Variants in PELI2 observed in about 807,000 individuals in gnomAD.
The protein encoded by PELI2 is E3 ubiquitin-protein ligase pellino homolog 2.
In PELI2, 23 loss-of-function variants were observed where a neutral mutation model predicts 42.3. The ratio of observed to expected loss-of-function variants is 0.54; its 90% CI spans 0.39 to 0.77. The LOEUF is 0.77. PELI2 is among the 30% of genes least tolerant of loss of function. The probability of loss-of-function intolerance (pLI) is 0.00; values close to 1 mark genes in which losing one functional copy is unlikely to be tolerated. For synonymous variants in PELI2, 245 were observed against 212.2 expected (o/e 1.15, Z -1.34); for missense variants, 463 against 553.2 (o/e 0.84, Z 1.64).
chr14:56,140,658 G>T (rs1201296516), intron 1 of PELI2, among the ~76,000 whole-genome samples: 1 of 152,214 alleles, frequency 6.6e-6, no homozygotes, highest in South Asian at 2.1e-4. Flanking sequence ...TGGAATAACG[G>T]CAGGGAAGAA....
intron 2 of PELI2, among the ~76,000 whole-genome samples, chr14:56,215,632 A>G (rs1886883451): frequency 2.0e-5 from 3 of 152,234 alleles, no homozygotes; most frequent in African/African-American, 7.2e-5. Flanking sequence ...ATTTAACTCT[A>G]CATTTTGGTA....
chr14:56,136,468 A>G (rs571582347), intron 1 of PELI2, among the ~76,000 whole-genome samples: 2 of 152,366 alleles, frequency 1.3e-5, no homozygotes, highest in Middle Eastern at 3.4e-3. Context: ...CAGGGTTTCA[A>G]CTGAGGAGAA....
intron 2 of PELI2, among the ~76,000 whole-genome samples, chr14:56,196,614 A>C (rs1324579371): frequency 6.6e-6 from 1 of 152,254 alleles, no homozygotes; most frequent in Non-Finnish European, 1.5e-5. Context: ...CCCATTTGAA[A>C]AATGGCCGAT....
intron 2 of PELI2, among the ~76,000 whole-genome samples, chr14:56,233,017 G>A (rs1887643613): frequency 6.6e-6 from 1 of 151,994 alleles, no homozygotes; most frequent in African/African-American, 2.4e-5. Flanking sequence ...GCTTCAAAGA[G>A]AATAAAATAC....
chr14:56,269,666 C>T (rs749567111), intron 2 of PELI2, among the ~76,000 whole-genome samples: 9 of 152,148 alleles, frequency 5.9e-5, no homozygotes, highest in Non-Finnish European at 1.0e-4. Context: ...AGAGTACTTA[C>T]GTAACTTGCC....
intron 2 of PELI2, among the ~76,000 whole-genome samples, chr14:56,215,802 G>A (rs1390787350): frequency 6.6e-6 from 1 of 152,184 alleles, no homozygotes; most frequent in Non-Finnish European, 1.5e-5. Flanking sequence ...GTCACCAGCG[G>A]TGTGGAATTT....
At chr14:56,129,778 G>A (rs1883412321) in intron 1 of PELI2, among the ~76,000 whole-genome samples, 2 of 152,220 alleles carry the variant, frequency 1.3e-5, no homozygotes, top group Non-Finnish European at 2.9e-5. Context: ...GGCAGCAATA[G>A]TGTGGAGCAG....
At chr14:56,124,088 T>G (rs922514559) in intron 1 of PELI2, among the ~76,000 whole-genome samples, 4 of 152,242 alleles carry the variant, frequency 2.6e-5, no homozygotes, top group African/African-American at 9.6e-5. Flanking sequence ...AAGTAAAGGT[T>G]AGAATAATTC....
rs970281926 is a variant in PELI2, at chr14:56,180,343, C to G, written c.207+1879C>G. ...ATTATTCTGGCTAAGATAAAACAGA[C>G]AAAAGTAAGATAAATTATTATAGGC... On this transcript the variant is annotated intron_variant, in intron 2 of 5. Transcript: ENST00000267460. The surrounding 1 kb of genome is among the most constrained non-coding windows in gnomAD (Gnocchi z 4.4). 2.6e-5 allele frequency among the ~76,000 whole-genome samples: 4 copies of G among 151,960 alleles called. No individual in the cohort carries two copies. The highest frequency in any genetic ancestry group is 1.3e-4 in the Admixed American group (2 of 15,266).
At position 56,290,417 on chromosome 14, in the gene PELI2, C is replaced by T; in HGVS notation, c.657C>T (p.Thr219=). The change falls in exon 5 of 6, where the codon ACC becomes ACT. Residue 219 remains threonine, a synonymous_variant. Transcript: ENST00000267460. ...TCTCTGTCTGTGGAGATGTGTACAC[C>T]TTGCGAGAAACCAGGTCGGCCCAGC... The part of the protein sequence containing the change: ...REISVCGDVY[T]LRETRSAQQR... The T allele has an allele frequency of 6.2e-7, 1 of 1,609,480 alleles. No homozygotes were observed. The highest frequency in any genetic ancestry group is 1.1e-5 in the South Asian group (1 of 90,678).
intron 2 of PELI2, among the ~76,000 whole-genome samples, chr14:56,234,765 A>T (rs1159341640): frequency 3.3e-5 from 5 of 152,114 alleles, no homozygotes; most frequent in Non-Finnish European, 7.4e-5. Context: ...AAAAAATGTA[A>T]AAAGTGAAGC....
At chr14:56,121,446 T>A (rs1212758853) in intron 1 of PELI2, among the ~76,000 whole-genome samples, 1 of 152,258 alleles carries the variant, frequency 6.6e-6, no homozygotes, top group Non-Finnish European at 1.5e-5. Flanking sequence ...CATCACTTTC[T>A]GGGCTGATTA....
intron 2 of PELI2, among the ~76,000 whole-genome samples, chr14:56,223,686 TTTA>T (rs1489469598): frequency 1.3e-5 from 2 of 152,228 alleles, no homozygotes; most frequent in African/African-American, 4.8e-5. Context: ...TATTTGATCA[TTTA>T]TTATTATTAA....
intron 2 of PELI2, among the ~76,000 whole-genome samples, chr14:56,225,838 G>T (rs553202193): frequency 2.6e-4 from 39 of 152,316 alleles, no homozygotes; most frequent in African/African-American, 8.2e-4. Flanking sequence ...ACCAAGGTGG[G>T]CAGGGGGTCC....
chr14:56,125,712 C>T (rs144954074), intron 1 of PELI2, among the ~76,000 whole-genome samples: 195 of 152,240 alleles, frequency 1.3e-3, no homozygotes, highest in African/African-American at 4.5e-3. Context: ...TATCCCTGGA[C>T]AAAAACGTGG....
At chr14:56,206,111 C>T (rs1486399553) in intron 2 of PELI2, among the ~76,000 whole-genome samples, 5 of 152,144 alleles carry the variant, frequency 3.3e-5, no homozygotes, top group African/African-American at 1.2e-4. Flanking sequence ...TGACACACTT[C>T]ATTTACTAGA....
At chr14:56,213,757 C>CT (rs1451099372) in intron 2 of PELI2, among the ~76,000 whole-genome samples, 7 of 152,162 alleles carry the variant, frequency 4.6e-5, no homozygotes, top group African/African-American at 1.4e-4. Flanking sequence ...CAGTAAAAAA[C>CT]TTAAGATTAT....
chr14:56,300,299 T>G lies in PELI2; in HGVS notation c.*3133T>G, dbSNP rs1313220956. The G allele has an allele frequency of 6.6e-6, 1 of 152,642 alleles. No homozygotes were observed. The highest frequency in any genetic ancestry group is 1.5e-5 in the Non-Finnish European group (1 of 68,034). 9.5% of individuals were successfully genotyped at this position (152,642 alleles called of 1,614,324 possible). A position where few individuals can be genotyped will look rare whatever the true frequency, so the allele number is the denominator to read the frequency against. On this transcript the variant is annotated 3_prime_UTR_variant, in exon 6 of 6. Coordinates refer to ENST00000267460, the MANE Select transcript of PELI2 (RefSeq NM_021255.3). ...GCTCCATTAAGGAGACTAATGAATC[T>G]GGATGCAGAAATATGTCAGAAACTG... is the stretch of plus-strand genomic sequence containing the variant.
intron 3 of PELI2, among the ~76,000 whole-genome samples, chr14:56,286,693 T>C (rs1889655493): frequency 6.6e-6 from 1 of 152,202 alleles, no homozygotes; most frequent in South Asian, 2.1e-4. Flanking sequence ...GTTTTCCACA[T>C]TGAGTGATTT....
Sources: allele counts gnomAD v4.1 joint callset (sites outside exome capture counted in the v4.1 genomes callset), GRCh38; gene constraint gnomAD v4.1.1; non-coding constraint Gnocchi (gnomAD v3.1); transcripts MANE v1.5; gene names NCBI Gene and HGNC (gene_info 2026-07-23, HGNC 2026-07-21).